Variants in SFMBT1 observed in about 807,000 individuals in gnomAD.
SFMBT1 encodes the protein Scm like with four mbt domains 1.
A neutral mutation model predicts 108.7 loss-of-function variants in SFMBT1; 32 were observed. That is an observed-to-expected ratio of 0.29 (90% CI 0.22 to 0.40). SFMBT1 has a LOEUF of 0.40. SFMBT1 is among the 10% of genes least tolerant of loss of function. The pLI is 1.00. For synonymous variants in SFMBT1, 348 were observed against 369.5 expected, an observed-to-expected ratio of 0.94 and a Z score of 0.67; for missense variants, 816 against 1,059.6, an observed-to-expected ratio of 0.77 and a Z score of 3.19.
chr3:52,970,370 T>C (rs1704294983), intron 1 of SFMBT1, among the ~76,000 whole-genome samples: 1 of 152,208 alleles, frequency 6.6e-6, no homozygotes, highest in African/African-American at 2.4e-5. Context: ...TGGAACCATA[T>C]GAAATGTGGT....
rs954991450 is a variant in SFMBT1, at chr3:53,002,530, C to T, written c.-130-33272G>A. 7.7e-4 allele frequency among the ~76,000 whole-genome samples: 115 copies of T among 149,770 alleles called. 5 individuals are homozygous for T. Among genetic ancestry groups the T allele is most frequent in the African/African-American group, 2.5e-3 (105 of 41,278 alleles). On this transcript the variant is annotated intron_variant, in intron 1 of 20. Coordinates refer to ENST00000394752, the MANE Select transcript of SFMBT1 (RefSeq NM_016329.4). ...CAGTATTCTCTAGTTAGGAGGTATTCTCCTCAGTTTAATTTGAATAAACTA... is the reference window on the plus strand; with the variant it reads ...CAGTATTCTCTAGTTAGGAGGTATTTTCCTCAGTTTAATTTGAATAAACTA...
chr3:53,027,656 G>A (rs1332894313), intron 1 of SFMBT1, among the ~76,000 whole-genome samples: 1 of 152,184 alleles, frequency 6.6e-6, no homozygotes, highest in African/African-American at 2.4e-5. Context: ...ACAAGTCCTA[G>A]TGTGCACATG....
In SFMBT1 at chr3:53,001,925, TCACACACACACACACACA is replaced by T. The variant is rs59572829; in HGVS notation, c.-130-32685_-130-32668del. Among the ~76,000 whole-genome samples the T allele has an allele frequency of 2.4e-3, 308 of 129,234 alleles. 9 individuals are homozygous for T. Among genetic ancestry groups the T allele is most frequent in the African/African-American group, 7.3e-3 (261 of 35,830 alleles). The allele number at this position is 129,234 out of a possible 152,430, so 84.8% of individuals were successfully genotyped here. On this transcript the variant is annotated intron_variant, in intron 1 of 20. Transcript: ENST00000394752. The stretch of plus-strand genomic sequence containing the variant: ...GGGCAACAGAGCAAGACCCAGTCTC[TCACACACACACACACACA>T]CACACACACACACACACACACACAC...
At chr3:52,906,426 A>AT (rs1559505552) in intron 19 of SFMBT1, among the ~76,000 whole-genome samples, 185 bp from the exon 20 acceptor site, 2 of 152,230 alleles carry the variant, frequency 1.3e-5, no homozygotes, top group African/African-American at 4.8e-5. Flanking sequence ...TGTCTTTTAT[A>AT]ATACGAAGTA....
rs1268673040 is a variant in SFMBT1 at position 52,994,189 on chromosome 3, T to C, written c.-130-24931A>G. On this transcript the variant is annotated intron_variant, in intron 1 of 20. Transcript: ENST00000394752. ...AAATACCTACTTGTTAACAAAGTCA[T>C]TGCATTTGTAACTAAAGAGATCACA... 2.0e-5 allele frequency among the ~76,000 whole-genome samples: 3 copies of C among 150,714 alleles called. 1 individual carries two copies. The highest frequency in any genetic ancestry group is 6.9e-3 in the Middle Eastern group (2 of 290).
intron 4 of SFMBT1, among the ~76,000 whole-genome samples, chr3:52,940,835 GAAGTTAATTTTACCTGT>G (rs140232283): frequency 0.09 from 13,766 of 152,182 alleles, 635 homozygotes; most frequent in African/African-American, 0.099. Flanking sequence ...TCAAGTGATG[GAAGTTAATTTTACCTGT>G]AATAAGGCAA....
At chr3:52,954,277 G>C (rs766079289) in intron 3 of SFMBT1, 40 bp downstream of exon 3, 1 of 1,357,024 alleles carries the variant, frequency 7.4e-7, no homozygotes, top group Non-Finnish European at 1.0e-6. Context: ...TCGAAATAAA[G>C]GGATATAACA....
intron 1 of SFMBT1, among the ~76,000 whole-genome samples, chr3:53,008,995 C>A (rs1698851203): frequency 6.6e-6 from 1 of 151,944 alleles, no homozygotes. Flanking sequence ...AGAATACCAG[C>A]CAGGCATGGT....
intron 4 of SFMBT1, among the ~76,000 whole-genome samples, chr3:52,936,550 ACACTAGTAAAGAGC>A (rs570816792): frequency 1.3e-5 from 2 of 152,308 alleles, no homozygotes; most frequent in African/African-American, 4.8e-5. Flanking sequence ...TTTTGGCATG[ACACTAGTAAAGAGC>A]CACTGATAAC....
intron 1 of SFMBT1, among the ~76,000 whole-genome samples, chr3:53,029,029 C>T (rs371151745): frequency 5.8e-4 from 88 of 151,934 alleles, no homozygotes; most frequent in African/African-American, 2.1e-3. Flanking sequence ...AAAAATTAGC[C>T]AGGCATGGTG....
chr3:52,910,076 TC>T (rs1391446341), intron 17 of SFMBT1, among the ~76,000 whole-genome samples: 1 of 152,018 alleles, frequency 6.6e-6, no homozygotes, highest in East Asian at 1.9e-4. Context: ...CAGAAAGACT[TC>T]CCTGACCCCT....
chr3:53,002,942 T>TA (rs1369229312), intron 1 of SFMBT1, among the ~76,000 whole-genome samples: 2 of 149,374 alleles, frequency 1.3e-5, no homozygotes, highest in African/African-American at 4.9e-5. Flanking sequence ...AATTTGAGGG[T>TA]AAAACCCTGT....
At chr3:52,949,594 T>C (rs1703499559) in intron 3 of SFMBT1, among the ~76,000 whole-genome samples, 1 of 142,702 alleles carries the variant, frequency 7.0e-6, no homozygotes, top group Non-Finnish European at 1.5e-5. Flanking sequence ...TTTTTTTTTT[T>C]TGAGACCGAG....
chr3:52,948,627 A>AATTATT (rs71087037), intron 3 of SFMBT1, among the ~76,000 whole-genome samples: 33 of 148,632 alleles, frequency 2.2e-4, no homozygotes, highest in South Asian at 1.3e-3. Flanking sequence ...GTTGCCTTAC[A>AATTATT]ATTATTATTA....
intron 1 of SFMBT1, among the ~76,000 whole-genome samples, chr3:53,041,064 C>G (rs1700037254): frequency 7.4e-6 from 1 of 134,718 alleles, no homozygotes; most frequent in South Asian, 2.4e-4. Flanking sequence ...CTCCAGAGAT[C>G]TGCCTGCCTT....
At chr3:53,044,175 A>C (rs1312119123) in intron 1 of SFMBT1, among the ~76,000 whole-genome samples, 1 of 152,190 alleles carries the variant, frequency 6.6e-6, no homozygotes, top group Non-Finnish European at 1.5e-5. Context: ...GTTTTTTCCA[A>C]ATGAATTTTA....
intron 10 of SFMBT1, 61 bp downstream of exon 10, chr3:52,925,970 G>A (rs1702644861): frequency 2.2e-6 from 3 of 1,394,276 alleles, no homozygotes; most frequent in Non-Finnish European, 2.9e-6. Context: ...TGGAAAGCAA[G>A]GGAAGCACAG....
chr3:52,969,949 AAAAACTAGCTGGGTATGGT>A (rs1195139937), intron 1 of SFMBT1, among the ~76,000 whole-genome samples: 1 of 152,064 alleles, frequency 6.6e-6, no homozygotes, highest in African/African-American at 2.4e-5. Flanking sequence ...CTAAAAATAC[AAAAACTAGCTGGGTATGGT>A]GGCGCACGCC....
chr3:52,944,623 G>A (rs1020519708), intron 3 of SFMBT1, among the ~76,000 whole-genome samples: 14 of 152,094 alleles, frequency 9.2e-5, no homozygotes, highest in African/African-American at 3.1e-4. Context: ...GGGTACAAGC[G>A]ATTTTCCTGC....
Sources: gnomAD v4.1 joint callset for allele counts (sites outside exome capture counted in the v4.1 genomes callset) on GRCh38, gnomAD v4.1.1 for gene constraint, MANE v1.5 for transcripts, NCBI Gene and HGNC (gene_info 2026-07-23, HGNC 2026-07-21) for gene names.